The following UBE2Q2 variants were observed in gnomAD, a reference collection of about 807,000 sequenced individuals.
The protein encoded by UBE2Q2 is ubiquitin-conjugating enzyme E2 Q2.
Under a neutral mutation model 59.9 loss-of-function variants are expected in UBE2Q2, and 54 were observed. The observed-to-expected ratio is 0.90, with a 90% CI of 0.72 to 1.13. UBE2Q2 has a LOEUF of 1.13. Ranked by LOEUF, UBE2Q2 falls within the 50% of genes most tolerant of loss-of-function variation. The pLI, the probability that UBE2Q2 is intolerant of heterozygous loss-of-function variation, is 0.00. For missense variants in UBE2Q2, 433 were observed against 441.9 expected (o/e 0.98, Z 0.18); for synonymous variants, 165 against 155.2 (o/e 1.06, Z -0.47).
chr15:75,856,427 A>G (rs965522585), intron 2 of UBE2Q2, among the ~76,000 whole-genome samples: 1 of 152,110 alleles, frequency 6.6e-6, no homozygotes, highest in Non-Finnish European at 1.5e-5. Flanking sequence ...AAAATGTTGT[A>G]TACTAACTCT....
chr15:75,843,945 G>C (rs1413856992), intron 1 of UBE2Q2, 99 bp downstream of exon 1: 6 of 1,417,494 alleles, frequency 4.2e-6, no homozygotes, highest in Non-Finnish European at 5.5e-6. Context: ...AGAGGCTCCG[G>C]CTCCCCGGGC....
At position 75,879,090 on chromosome 15, in the gene UBE2Q2, A is replaced by G. The variant is rs912793958; in HGVS notation, c.735-8A>G. On this transcript the variant is annotated splice_region_variant and splice_polypyrimidine_tract_variant and intron_variant, in intron 7 of 12. Coordinates refer to ENST00000267938, the MANE Select transcript of UBE2Q2 (RefSeq NM_173469.4). ...TATTTGAACTGTTTTTTGTTTTGTA[A>G]TTCTTAGGGTTGACCCTGATAGTCC... 6.5e-7 allele frequency: 1 copy of G among 1,538,526 alleles called. No homozygotes were observed.
intron 6 of UBE2Q2, 31 bp from the exon 7 acceptor site, chr15:75,877,927 TGAA>T: frequency 6.3e-7 from 1 of 1,586,492 alleles, no homozygotes; most frequent in Non-Finnish European, 8.6e-7. Flanking sequence ...TATGATGAAA[TGAA>T]GAGTAGCTAA....
intron 10 of UBE2Q2, 68 bp downstream of exon 10, chr15:75,890,551 A>C: frequency 7.0e-7 from 1 of 1,432,714 alleles, no homozygotes; most frequent in African/African-American, 1.4e-5. Flanking sequence ...ATTAGATTGT[A>C]AGTAGAAAAT....
intron 3 of UBE2Q2, among the ~76,000 whole-genome samples, chr15:75,861,860 A>T (rs1353970781): frequency 6.6e-6 from 1 of 152,124 alleles, no homozygotes; most frequent in Non-Finnish European, 1.5e-5. Flanking sequence ...AGCTCTCACT[A>T]TGTGGTTTAG....
chr15:75,863,585 A>G (rs1897300909), intron 3 of UBE2Q2, among the ~76,000 whole-genome samples: 1 of 150,988 alleles, frequency 6.6e-6, no homozygotes, highest in Non-Finnish European at 1.5e-5. Flanking sequence ...AGCTGGGATT[A>G]CAGGCACATG....
At chr15:75,896,392 T>C (rs1418534421) in intron 11 of UBE2Q2, among the ~76,000 whole-genome samples, 1 of 152,228 alleles carries the variant, frequency 6.6e-6, no homozygotes, top group African/African-American at 2.4e-5. Flanking sequence ...GTGCTCCTGG[T>C]ATATTAATTC....
intron 10 of UBE2Q2, 150 bp from the exon 11 acceptor site, chr15:75,890,769 C>T (rs1302437955): frequency 7.0e-6 from 5 of 710,384 alleles, no homozygotes; most frequent in Non-Finnish European, 1.2e-5. Flanking sequence ...TTGTGAGATT[C>T]TGGAAATGTT....
chr15:75,882,475 A>C (rs1218057656), intron 8 of UBE2Q2, among the ~76,000 whole-genome samples: 1 of 152,230 alleles, frequency 6.6e-6, no homozygotes, highest in Non-Finnish European at 1.5e-5. Context: ...ATCATACATA[A>C]TGAAGAGGTT....
At position 75,843,558 on chromosome 15, in the gene UBE2Q2, CCAGGCCGGCCCCG is replaced by C; in HGVS notation, c.-107_-95del. 2 of 861,870 alleles carry C rather than the reference CCAGGCCGGCCCCG, an allele frequency of 2.3e-6. No homozygotes were observed. The highest frequency in any genetic ancestry group is 5.2e-5 in the South Asian group (2 of 38,428). 53.4% of individuals were successfully genotyped at this position (861,870 alleles called of 1,614,324 possible). A position where few individuals can be genotyped will look rare whatever the true frequency, so the allele number is the denominator to read the frequency against. ...CGAGGCGGAGCCGCGAGAGCGCGGC[CCAGGCCGGCCCCG>C]CGGGGCGGTCGCGGCCGTGACGGCG... is the stretch of plus-strand genomic sequence containing the variant. On this transcript the variant is annotated 5_prime_UTR_variant, in exon 1 of 13. Transcript: ENST00000267938.
chr15:75,873,488 T>A lies in UBE2Q2; in HGVS notation c.508T>A (p.Ser170Thr). 6.2e-7 allele frequency: 1 copy of A among 1,613,778 alleles called. No homozygotes were observed. The highest frequency in any genetic ancestry group is 1.1e-5 in the South Asian group (1 of 91,068). ...AGAAGAGCCTATTAGTGGGAAAAAG[T>A]CAGAGGATGAAGGAATTGAAAAAGA... ...KEEEPISGKK[S>T]EDEGIEKENL... The change falls in exon 5 of 13, where the codon TCA (serine) becomes ACA (threonine). Residue 170 changes from serine (S) to threonine (T), a missense_variant. Transcript: ENST00000267938.
At chr15:75,861,627 A>G (rs781424915) in intron 3 of UBE2Q2, among the ~76,000 whole-genome samples, 49 of 152,278 alleles carry the variant, frequency 3.2e-4, no homozygotes, top group Admixed American at 1.9e-3. Context: ...CTTGTATCTC[A>G]TATTATTTCT....
At position 75,854,393 on chromosome 15, in the gene UBE2Q2, A is replaced by G. The variant is rs200326388; in HGVS notation, c.188A>G (p.Tyr63Cys). Reference protein sequence around the residue: ...LTLHCNITESYPSSSPIWFVD... With the variant: ...LTLHCNITESCPSSSPIWFVD... ...TGTCTCTGTGTTAAACAGGAATCCT[A>G]TCCATCTTCTTCACCGATATGGTTT... Residue 63 changes from tyrosine (Y) to cysteine (C), a missense_variant, in exon 2 of 13, where the codon TAT becomes TGT. Coordinates refer to ENST00000267938, the MANE Select transcript of UBE2Q2 (RefSeq NM_173469.4). 1.3e-5 allele frequency: 21 copies of G among 1,612,334 alleles called. No homozygotes were observed. The highest frequency in any genetic ancestry group is 2.2e-5 in the East Asian group (1 of 44,806).
rs138139824 is a variant in UBE2Q2 at position 75,889,414 on chromosome 15, G to A, written c.885-1021G>A. On this transcript the variant is annotated intron_variant, in intron 9 of 12. Transcript: ENST00000267938. ...CACTGTAACAATTATTAATGTTAGT[G>A]GTCTACAGTAAAAGTTTTTAGATGC... Among the ~76,000 whole-genome samples the A allele has an allele frequency of 1.9e-4, 29 of 152,218 alleles. No homozygotes were observed. The East Asian group carries it at 5.4e-3, about 28-fold the overall frequency.
chr15:75,862,900 T>G (rs1328623804), intron 3 of UBE2Q2, among the ~76,000 whole-genome samples: 1 of 151,834 alleles, frequency 6.6e-6, no homozygotes, highest in Non-Finnish European at 1.5e-5. Flanking sequence ...AGTGGGAATT[T>G]AGGCTGATTC....
In UBE2Q2 at chr15:75,886,517, A is replaced by G. The variant is rs531463456; in HGVS notation, c.884+3093A>G. Among the ~76,000 whole-genome samples the G allele has an allele frequency of 2.0e-5, 3 of 152,322 alleles. No individual in the cohort carries two copies. In the East Asian group the frequency reaches 5.8e-4, roughly 29 times the overall value. ...AAGGAAGACAGGTCATTTTTTGTTC[A>G]AAATCTTATTTGAGAGAAAAAAAAG... On this transcript the variant is annotated intron_variant, in intron 9 of 12. Coordinates refer to ENST00000267938, the MANE Select transcript of UBE2Q2 (RefSeq NM_173469.4).
intron 3 of UBE2Q2, among the ~76,000 whole-genome samples, chr15:75,862,453 A>G (rs1897248764): frequency 7.0e-6 from 1 of 142,928 alleles, no homozygotes; most frequent in Non-Finnish European, 1.5e-5. Flanking sequence ...TCAGGTATCT[A>G]TTCTATGTTG....
In UBE2Q2 at chr15:75,854,479, A is replaced by G. The variant is rs777891630; in HGVS notation, c.274A>G (p.Asn92Asp). Residue 92 changes from asparagine (N) to aspartate (D), a missense_variant, in exon 2 of 13, where the codon AAC (asparagine) becomes GAC (aspartate). Transcript: ENST00000267938. ...GGAACGTCTAGAAGATACTAAGAAC[A>G]ACAATTTGGTAAGAAAATAAGCCAA... ...VLERLEDTKNNNLLRQQLKWL... is the reference protein window; with the variant it reads ...VLERLEDTKNDNLLRQQLKWL... 5 of 1,606,704 alleles carry G rather than the reference A, an allele frequency of 3.1e-6. No individual in the cohort carries two copies. In the African/African-American group the frequency reaches 4.0e-5, roughly 13 times the overall value.
intron 12 of UBE2Q2, among the ~76,000 whole-genome samples, chr15:75,898,370 C>G (rs1351869759): frequency 6.6e-6 from 1 of 151,326 alleles, no homozygotes; most frequent in East Asian, 1.9e-4. Flanking sequence ...TTTTTTAAAT[C>G]TTAAAATTTT....
Sources: gnomAD v4.1 joint callset for allele counts (sites outside exome capture counted in the v4.1 genomes callset) on GRCh38, gnomAD v4.1.1 for gene constraint, MANE v1.5 for transcripts, NCBI Gene and HGNC (gene_info 2026-07-23, HGNC 2026-07-21) for gene names.